The following DIAPH3 variants were observed in gnomAD, a reference collection of about 807,000 sequenced individuals.
The protein encoded by DIAPH3 is diaphanous related formin 3.
In DIAPH3, 117 loss-of-function variants were observed where a neutral mutation model predicts 144.3. The ratio of observed to expected loss-of-function variants is 0.81; its 90% CI spans 0.70 to 0.95. The LOEUF is 0.95. Among genes scored for constraint, DIAPH3 ranks in the 40% least tolerant of loss-of-function variants. DIAPH3 has a pLI of 0.00. For missense variants in DIAPH3, 1,421 were observed against 1,412.7 expected (o/e 1.01, Z -0.09); for synonymous variants, 519 against 488.9 (o/e 1.06, Z -0.81).
intron 1 of DIAPH3, among the ~76,000 whole-genome samples, chr13:60,151,243 C>T (rs1335326719): frequency 2.6e-5 from 4 of 152,172 alleles, no homozygotes; most frequent in East Asian, 1.9e-4. Context: ...CCTAAGCTAT[C>T]GTAACATGTG....
intron 17 of DIAPH3, among the ~76,000 whole-genome samples, chr13:59,969,558 T>C (rs1170156794): frequency 6.6e-6 from 1 of 152,144 alleles, no homozygotes; most frequent in Non-Finnish European, 1.5e-5. Flanking sequence ...CTAGTCACTG[T>C]AATATTAAAG....
At chr13:59,895,701 A>G (rs2046053779) in intron 20 of DIAPH3, among the ~76,000 whole-genome samples, 1 of 152,172 alleles carries the variant, frequency 6.6e-6, no homozygotes. Context: ...TCTCAGAGAA[A>G]TTTTCAAGTG....
chr13:59,997,379 G>A (rs565565875), intron 9 of DIAPH3, among the ~76,000 whole-genome samples: 26 of 152,084 alleles, frequency 1.7e-4, no homozygotes, highest in Non-Finnish European at 2.9e-4. Flanking sequence ...ACAGGAGTTC[G>A]TTCCTTTTTA....
intron 15 of DIAPH3, 92 bp from the exon 16 acceptor site, chr13:59,971,252 A>T (rs1566591888): frequency 5.7e-6 from 7 of 1,231,778 alleles, no homozygotes; most frequent in Non-Finnish European, 7.8e-6. Flanking sequence ...ATTCATTTAA[A>T]CCAAAAATAA....
chr13:59,890,513 A>AT (rs138053341), intron 20 of DIAPH3, among the ~76,000 whole-genome samples: 8,623 of 151,840 alleles, frequency 0.057, 299 homozygotes, highest in Admixed American at 0.1. Context: ...ATTCCTAAGC[A>AT]TTTTTTAAGT....
rs956551150 is a variant in DIAPH3 at position 60,100,474 on chromosome 13, GA to G, written c.391-6743del. Among the ~76,000 whole-genome samples the G allele has an allele frequency of 2.6e-5, 4 of 152,006 alleles. No homozygotes were observed. In the South Asian group the frequency reaches 8.3e-4, roughly 32 times the overall value. The stretch of plus-strand genomic sequence containing the variant: ...TGTGATCCTGGATTAGATCCTGGAA[GA>G]AAAAAAAGACATGGGTGGGAAAGCT... On this transcript the variant is annotated intron_variant, in intron 3 of 27. Transcript: ENST00000400324.
chr13:60,051,371 A>C (rs2056337083), intron 4 of DIAPH3, among the ~76,000 whole-genome samples: 1 of 152,086 alleles, frequency 6.6e-6, no homozygotes, highest in Non-Finnish European at 1.5e-5. Context: ...TGTAATCCCA[A>C]CACTTTGGGA....
chr13:60,161,363 T>C (rs1183064263), intron 1 of DIAPH3, among the ~76,000 whole-genome samples: 2 of 152,112 alleles, frequency 1.3e-5, no homozygotes, highest in Non-Finnish European at 2.9e-5. Context: ...CAAAGATCCC[T>C]CTCCATCCAA....
At chr13:59,893,255 AT>A (rs1566478114) in intron 20 of DIAPH3, among the ~76,000 whole-genome samples, 1 of 152,146 alleles carries the variant, frequency 6.6e-6, no homozygotes. Context: ...TTCCATTGCC[AT>A]TTCATTAACA....
chr13:60,143,464 T>G (rs531415633), intron 1 of DIAPH3, among the ~76,000 whole-genome samples: 1 of 152,192 alleles, frequency 6.6e-6, no homozygotes, highest in African/African-American at 2.4e-5. Context: ...AGAAGACTTA[T>G]AGAAAAGACC....
At chr13:59,807,472 ATATG>A (rs2040254411) in intron 25 of DIAPH3, among the ~76,000 whole-genome samples, 1 of 152,076 alleles carries the variant, frequency 6.6e-6, no homozygotes, top group South Asian at 2.1e-4. Flanking sequence ...TAGCAAATTC[ATATG>A]TATGATATAG....
At chr13:59,980,069 C>A (rs747399167) in intron 14 of DIAPH3, among the ~76,000 whole-genome samples, 3 of 151,478 alleles carry the variant, frequency 2.0e-5, no homozygotes, top group Non-Finnish European at 4.4e-5. Context: ...AAGGTCACTG[C>A]CAATGTCTGA....
intron 24 of DIAPH3, among the ~76,000 whole-genome samples, chr13:59,814,408 T>C (rs891962610): frequency 1.3e-5 from 2 of 152,214 alleles, no homozygotes; most frequent in East Asian, 1.9e-4. Context: ...TATTCTCATA[T>C]TGTAACTATT....
rs911912934 is a variant in DIAPH3 at position 60,059,235 on chromosome 13, A to C, written c.496-16415T>G. 2.6e-5 allele frequency among the ~76,000 whole-genome samples: 4 copies of C among 151,856 alleles called. No individual in the cohort carries two copies. In the East Asian group the frequency reaches 5.8e-4, roughly 22 times the overall value. On this transcript the variant is annotated intron_variant, in intron 4 of 27. Coordinates refer to ENST00000400324, the MANE Select transcript of DIAPH3 (RefSeq NM_001042517.2). ...GGAGAGAAGCAGTCTTGAAGAGGAG[A>C]AAGGGTAGTGACTGAAACATTTGAG...
chr13:59,997,019 A>T (rs423479), intron 9 of DIAPH3, among the ~76,000 whole-genome samples: 1 of 151,972 alleles, frequency 6.6e-6, no homozygotes, highest in African/African-American at 2.4e-5. Context: ...TTTATTGTAC[A>T]TGAGAAATCT....
chr13:60,150,128 C>T (rs1951716821), intron 1 of DIAPH3, among the ~76,000 whole-genome samples: 1 of 152,058 alleles, frequency 6.6e-6, no homozygotes, highest in African/African-American at 2.4e-5. Flanking sequence ...TTCAAGCAAT[C>T]CTCCCACCTC....
rs1459020102 is a variant in DIAPH3 at position 60,138,048 on chromosome 13, T to A, written c.181-5059A>T. Among the ~76,000 whole-genome samples the A allele has an allele frequency of 3.9e-5, 6 of 152,086 alleles. No homozygotes were observed. The South Asian group carries it at 1.2e-3, about 32-fold the overall frequency. On this transcript the variant is annotated intron_variant, in intron 1 of 27. Coordinates refer to ENST00000400324, the MANE Select transcript of DIAPH3 (RefSeq NM_001042517.2). Reference sequence around the variant, plus strand: ...CAAAAATTTACGTCATTTAAGTGGGTTATGAGGGATTACCAACATGAGGAA... The same window carrying A: ...CAAAAATTTACGTCATTTAAGTGGGATATGAGGGATTACCAACATGAGGAA...
chr13:60,163,735 G>C lies in DIAPH3; in HGVS notation c.32C>G (p.Pro11Arg), dbSNP rs1566841864. 2.5e-6 allele frequency: 4 copies of C among 1,604,704 alleles called. No individual in the cohort carries two copies. The highest frequency in any genetic ancestry group is 2.6e-6 in the Non-Finnish European group (3 of 1,176,008). ...AGTCCCAGCGGCTGAGCCTTGGGCCGGGTGGTGCAGCCGCGGCTGGTGCCG... is the reference window on the plus strand; with the variant it reads ...AGTCCCAGCGGCTGAGCCTTGGGCCCGGTGGTGCAGCCGCGGCTGGTGCCG... MERHQPRLHH[P>R]AQGSAAGTPY... Residue 11 changes from proline to arginine, a missense_variant, in exon 1 of 28, where the codon CCG (proline) becomes CGG (arginine). Transcript: ENST00000400324.
chr13:60,072,598 G>A (rs1420768376), intron 4 of DIAPH3, among the ~76,000 whole-genome samples: 1 of 152,050 alleles, frequency 6.6e-6, no homozygotes, highest in Admixed American at 6.6e-5. Flanking sequence ...GATTACAAAT[G>A]TATCTTTATC....
Sources: gnomAD v4.1 joint callset for allele counts (sites outside exome capture counted in the v4.1 genomes callset) on GRCh38, gnomAD v4.1.1 for gene constraint, MANE v1.5 for transcripts, NCBI Gene and HGNC (gene_info 2026-07-23, HGNC 2026-07-21) for gene names.